Variants in MLF1 observed in about 807,000 individuals in gnomAD.
The protein encoded by MLF1 is myeloid leukemia factor 1.
In MLF1, 37 loss-of-function variants were observed where a neutral mutation model predicts 38.3. The observed-to-expected ratio is 0.96, with a 90% CI of 0.74 to 1.27. The LOEUF is 1.27. Ranked by LOEUF, MLF1 falls within the 50% of genes most tolerant of loss-of-function variation. The pLI, the probability that MLF1 is intolerant of heterozygous loss-of-function variation, is 0.00. For synonymous variants in MLF1, 95 were observed against 106.5 expected (o/e 0.89, Z 0.66); for missense variants, 331 against 349.2 (o/e 0.95, Z 0.42).
intron 1 of MLF1, among the ~76,000 whole-genome samples, chr3:158,575,420 A>C (rs1428464672): frequency 6.6e-6 from 1 of 152,196 alleles, no homozygotes; most frequent in Non-Finnish European, 1.5e-5. Context: ...TATATTTAAC[A>C]CACTTTTGGG....
At position 158,598,183 on chromosome 3, in the gene MLF1, C is replaced by G. The variant is rs776752031; in HGVS notation, c.428C>G (p.Thr143Ser). The change falls in exon 5 of 8, where the codon ACT (threonine) becomes AGT (serine). Residue 143 changes from threonine to serine, a missense_variant. Coordinates refer to ENST00000466246, the MANE Select transcript of MLF1 (RefSeq NM_001369783.1). ...CCGCCAAAGGTTTTTCAGGCCTCAA[C>G]TCAAACTCGTCGAGCTCCAGGAGGA... Reference protein sequence around the residue: ...DEPPKVFQASTQTRRAPGGIK... With the variant: ...DEPPKVFQASSQTRRAPGGIK... 1.2e-6 allele frequency: 2 copies of G among 1,613,822 alleles called. No individual in the cohort carries two copies. Among genetic ancestry groups the G allele is most frequent in the Non-Finnish European group, 1.7e-6 (2 of 1,179,872 alleles).
chr3:158,582,671 G>T (rs1023243320), intron 1 of MLF1: 1 of 437,278 alleles, frequency 2.3e-6, no homozygotes, highest in Non-Finnish European at 4.0e-6. Context: ...ATGCAAGCAA[G>T]AAGAGAATGG....
chr3:158,603,795 C>T (rs545165200), intron 7 of MLF1, among the ~76,000 whole-genome samples: 1 of 152,142 alleles, frequency 6.6e-6, no homozygotes, highest in Non-Finnish European at 1.5e-5. Context: ...GCCAAAATCA[C>T]ACCACTGCAC....
chr3:158,581,568 A>G (rs1464574911), intron 1 of MLF1, among the ~76,000 whole-genome samples: 1 of 152,182 alleles, frequency 6.6e-6, no homozygotes, highest in Non-Finnish European at 1.5e-5. Flanking sequence ...TGACTACAGA[A>G]CACTTTGCCT....
rs1358504385 is a variant in MLF1, at chr3:158,588,760, G to A, written c.48-3674G>A. On this transcript the variant is annotated intron_variant, in intron 1 of 7. Coordinates refer to ENST00000466246, the MANE Select transcript of MLF1 (RefSeq NM_001369783.1). ...AAAAAACAGATATTTATAGATATTC[G>A]CAAAATTTTGAGACCACATTCAGGA... The A allele has an allele frequency of 4.2e-5, 16 of 384,144 alleles. 1 individual carries two copies. The highest frequency in any genetic ancestry group is 2.3e-4 in the East Asian group (3 of 12,924). 23.8% of individuals were successfully genotyped at this position (384,144 alleles called of 1,614,324 possible).
chr3:158,594,522 C>T (rs758542464), intron 3 of MLF1, among the ~76,000 whole-genome samples: 1 of 152,046 alleles, frequency 6.6e-6, no homozygotes, highest in Admixed American at 6.6e-5. Context: ...TGATGACTTA[C>T]GTCAAAGTGG....
At chr3:158,601,859 AGTGCAGTG>A (rs1280161818) in intron 6 of MLF1, among the ~76,000 whole-genome samples, 1 of 118,606 alleles carries the variant, frequency 8.4e-6, no homozygotes, top group Admixed American at 1.2e-4. Flanking sequence ...TCCAGGCTGG[AGTGCAGTG>A]GTGCAGTGGT....
chr3:158,588,937 T>TA, intron 1 of MLF1: 1 of 454,930 alleles, frequency 2.2e-6, no homozygotes, highest in Non-Finnish European at 4.4e-6. Context: ...AAGTCCCATG[T>TA]ACTAAAATAC....
In MLF1 at chr3:158,585,083, A is replaced by G. The variant is rs946014236; in HGVS notation, c.48-7351A>G. On this transcript the variant is annotated intron_variant, in intron 1 of 7. Coordinates refer to ENST00000466246, the MANE Select transcript of MLF1 (RefSeq NM_001369783.1). The stretch of plus-strand genomic sequence containing the variant: ...AAAAGAAAAAGAAAAATACCTTGCT[A>G]TAGCTCAGATGTTTGACCCTCAGAA... Among the ~76,000 whole-genome samples the G allele has an allele frequency of 5.9e-5, 9 of 151,732 alleles. No homozygotes were observed. The East Asian group carries it at 9.7e-4, about 16-fold the overall frequency.
At chr3:158,587,236 G>C (rs552834239) in intron 1 of MLF1, among the ~76,000 whole-genome samples, 1 of 152,304 alleles carries the variant, frequency 6.6e-6, no homozygotes, top group South Asian at 2.1e-4. Flanking sequence ...GTAGTCCTTA[G>C]AGGACAGGGA....
At chr3:158,601,806 CTTTTT>C (rs1188640734) in intron 6 of MLF1, among the ~76,000 whole-genome samples, 1 of 96,048 alleles carries the variant, frequency 1.0e-5, no homozygotes, top group Non-Finnish European at 1.9e-5. Flanking sequence ...TAAAATTATT[CTTTTT>C]TTTTTTTTTT....
chr3:158,583,703 T>C (rs943660108), intron 1 of MLF1, among the ~76,000 whole-genome samples: 1 of 152,200 alleles, frequency 6.6e-6, no homozygotes, highest in Non-Finnish European at 1.5e-5. Flanking sequence ...ACTTTACTTT[T>C]ATTCATTTCC....
At chr3:158,578,655 A>G (rs1715853599) in intron 1 of MLF1, among the ~76,000 whole-genome samples, 1 of 152,130 alleles carries the variant, frequency 6.6e-6, no homozygotes, top group Non-Finnish European at 1.5e-5. Flanking sequence ...TGCTGAAGGT[A>G]AATAATATAG....
chr3:158,584,309 A>T (rs1716867028), intron 1 of MLF1, among the ~76,000 whole-genome samples: 1 of 152,202 alleles, frequency 6.6e-6, no homozygotes, highest in South Asian at 2.1e-4. Flanking sequence ...GCTAAGAAGG[A>T]TAAATGAACT....
intron 1 of MLF1, among the ~76,000 whole-genome samples, chr3:158,577,446 T>C (rs1226438965): frequency 6.6e-6 from 1 of 152,200 alleles, no homozygotes; most frequent in Admixed American, 6.5e-5. Context: ...TTCTAAACAG[T>C]TGATAAAAGT....
chr3:158,602,067 C>T (rs1314139462), intron 6 of MLF1, among the ~76,000 whole-genome samples: 3 of 152,038 alleles, frequency 2.0e-5, no homozygotes, highest in African/African-American at 4.8e-5. Context: ...CCGCCCACCT[C>T]AGCCTCCCAA....
intron 7 of MLF1, 131 bp downstream of exon 7, chr3:158,603,070 T>A: frequency 4.1e-6 from 3 of 724,796 alleles, no homozygotes; most frequent in Non-Finnish European, 6.4e-6. Flanking sequence ...GTGAAAGATG[T>A]AATAATTTTA....
intron 1 of MLF1, chr3:158,590,783 C>G (rs761442068): frequency 8.5e-5 from 39 of 456,188 alleles, no homozygotes; most frequent in Admixed American, 1.4e-4. Flanking sequence ...TAGAAATGTT[C>G]TACATCTTAA....
At chr3:158,571,452 G>T in intron 1 of MLF1, 105 bp downstream of exon 1, 7 of 1,414,294 alleles carry the variant, frequency 4.9e-6, no homozygotes, top group Non-Finnish European at 6.9e-6. Context: ...AGAGAATTCG[G>T]AGTAACTCTG....
Sources: gnomAD v4.1 joint callset for allele counts (sites outside exome capture counted in the v4.1 genomes callset) on GRCh38, gnomAD v4.1.1 for gene constraint, MANE v1.5 for transcripts, NCBI Gene and HGNC (gene_info 2026-07-23, HGNC 2026-07-21) for gene names.